MBD3: variants seen among roughly 807,000 people sequenced by gnomAD.
The protein encoded by MBD3 is methyl-CpG-binding domain protein 3.
Under a neutral mutation model 31.2 loss-of-function variants are expected in MBD3, and 13 were observed. The ratio of observed to expected loss-of-function variants is 0.42; its 90% CI spans 0.27 to 0.66. The LOEUF (loss-of-function observed/expected upper bound fraction) is 0.66, where lower values mean the gene tolerates loss of function less well. Among genes scored for constraint, MBD3 ranks in the 30% least tolerant of loss-of-function variants. MBD3 has a pLI of 0.26. For missense variants in MBD3, 440 were observed against 426.5 expected, an observed-to-expected ratio of 1.03 and a Z score of -0.28; for synonymous variants, 223 against 187.4, an observed-to-expected ratio of 1.19 and a Z score of -1.55.
chr19:1,586,638 A>T (rs2060680494), intron 1 of MBD3, among the ~76,000 whole-genome samples: 1 of 150,664 alleles, frequency 6.6e-6, no homozygotes, highest in Non-Finnish European at 1.5e-5. Flanking sequence ...TCTCCCAAGT[A>T]GCTAGGACGA....
Position 1,585,023 on chromosome 19 carries a change from G to A in MBD3, c.270+32C>T. On this transcript the variant is annotated intron_variant, in intron 2 of 6. Transcript: ENST00000434436. This position sits in a 1 kb window ranked among gnomAD's most constrained non-coding sequence, Gnocchi z 4.1. ...CGCGTCCCCGCCTAGAACGCCCCGCGCCGACGTCACCTGCGTGACGCCACC... is the reference window on the plus strand; with the variant it reads ...CGCGTCCCCGCCTAGAACGCCCCGCACCGACGTCACCTGCGTGACGCCACC... 1 of 1,607,126 alleles carries A rather than the reference G, an allele frequency of 6.2e-7. No individual in the cohort carries two copies. The highest frequency in any genetic ancestry group is 1.7e-5 in the Admixed American group (1 of 59,948).
chr19:1,577,982 C>T lies in MBD3; in HGVS notation c.*182G>A. ...AGGGTCTTTCGGGTGGGGGCAGCCC[C>T]AGCTGTGTGCCCCGAGGCCCCGGGA... On this transcript the variant is annotated 3_prime_UTR_variant, in exon 7 of 7. Transcript: ENST00000434436. The T allele has an allele frequency of 2.4e-6, 1 of 414,484 alleles. No individual in the cohort carries two copies. The highest frequency in any genetic ancestry group is 4.5e-6 in the Non-Finnish European group (1 of 222,178). The allele number at this position is 414,484 out of a possible 1,614,324, so 25.7% of individuals were successfully genotyped here. A position where few individuals can be genotyped will look rare whatever the true frequency, so the allele number is the denominator to read the frequency against.
chr19:1,579,729 C>T (rs761021300), intron 5 of MBD3, among the ~76,000 whole-genome samples: 22 of 152,090 alleles, frequency 1.4e-4, no homozygotes, highest in Non-Finnish European at 3.2e-4. Flanking sequence ...CTACCTCCTG[C>T]GGAACCCACC....
Position 1,578,618 on chromosome 19 carries a change from G to A in MBD3, c.678-80C>T. 1 of 1,601,076 alleles carries A rather than the reference G, an allele frequency of 6.2e-7. No homozygotes were observed. Among genetic ancestry groups the A allele is most frequent in the Non-Finnish European group, 8.5e-7 (1 of 1,179,770 alleles). Reference sequence around the variant, plus strand: ...ACACAGGATGAACGTGGGGACCTCAGCTGGGAGGGGAGGCCCGAGGGATCC... The same window carrying A: ...ACACAGGATGAACGTGGGGACCTCAACTGGGAGGGGAGGCCCGAGGGATCC... On this transcript the variant is annotated intron_variant, in intron 5 of 6. Coordinates refer to ENST00000434436, the MANE Select transcript of MBD3 (RefSeq NM_001281453.2). The surrounding 1 kb of genome is among the most constrained non-coding windows in gnomAD (Gnocchi z 6.1).
chr19:1,592,323 G>C (rs1379605189), intron 1 of MBD3, 199 bp downstream of exon 1: 1 of 166,720 alleles, frequency 6.0e-6, no homozygotes, highest in African/African-American at 2.4e-5. Context: ...ACGGCCGGCC[G>C]AAAGCCATGC....
chr19:1,582,155 GC>G (rs1243812603), intron 4 of MBD3, among the ~76,000 whole-genome samples: 4 of 152,130 alleles, frequency 2.6e-5, no homozygotes, highest in Non-Finnish European at 5.9e-5. Flanking sequence ...TCCTGCCCCA[GC>G]CCCGCCAAGT....
intron 5 of MBD3, among the ~76,000 whole-genome samples, chr19:1,579,743 G>A (rs553512620): frequency 7.2e-5 from 11 of 152,134 alleles, no homozygotes; most frequent in African/African-American, 1.9e-4. Flanking sequence ...ACCCACCACC[G>A]AGTTCCTCAT....
chr19:1,585,106 C>T lies in MBD3; in HGVS notation c.219G>A (p.Lys73=), dbSNP rs777419010. ...DFRTGKMLMS[K]MNKSRQRVRY... ...GCACGCGCTGGCGGCTCTTGTTCAT[C>T]TTGCTCATCAGCATCTTGCCCGTGC... The change falls in exon 2 of 7, where the codon AAG becomes AAA. Residue 73 remains lysine, a synonymous_variant. Coordinates refer to ENST00000434436, the MANE Select transcript of MBD3 (RefSeq NM_001281453.2). This position sits in a 1 kb window ranked among gnomAD's most constrained non-coding sequence, Gnocchi z 4.1. 20 of 1,612,528 alleles carry T rather than the reference C, an allele frequency of 1.2e-5. No homozygotes were observed. The highest frequency in any genetic ancestry group is 2.7e-5 in the African/African-American group (2 of 74,908).
rs1467567549 is a variant in MBD3 at position 1,592,848 on chromosome 19, G to T, written c.-217C>A. 6.8e-6 allele frequency: 1 copy of T among 146,824 alleles called. No homozygotes were observed. Among genetic ancestry groups the T allele is most frequent in the Non-Finnish European group, 1.5e-5 (1 of 65,828 alleles). The allele number at this position is 146,824 out of a possible 1,614,324, so 9.1% of individuals were successfully genotyped here. On this transcript the variant is annotated 5_prime_UTR_variant, in exon 1 of 7. Transcript: ENST00000434436. ...CGCGCTCGCCAGCCCCCGCTCGGGGGGCCCGCTCCGCCCACCCGCCCGCGC... is the reference window on the plus strand; with the variant it reads ...CGCGCTCGCCAGCCCCCGCTCGGGGTGCCCGCTCCGCCCACCCGCCCGCGC...
intron 4 of MBD3, 69 bp from the exon 5 acceptor site, chr19:1,581,338 C>G: frequency 2.7e-6 from 4 of 1,509,060 alleles, no homozygotes; most frequent in Non-Finnish European, 3.6e-6. Flanking sequence ...CCAGACAGGC[C>G]ACGGAAATGC....
At position 1,578,112 on chromosome 19, in the gene MBD3, C is replaced by T. The variant is rs113262002; in HGVS notation, c.*52G>A. On this transcript the variant is annotated 3_prime_UTR_variant, in exon 7 of 7. Coordinates refer to ENST00000434436, the MANE Select transcript of MBD3 (RefSeq NM_001281453.2). This position sits in a 1 kb window ranked among gnomAD's most constrained non-coding sequence, Gnocchi z 6.1. ...CTGGTTCACGTGGGGCCGAGGACCGCGTCTGCAGGCGGCTCCAGCAGGCAG... is the reference window on the plus strand; with the variant it reads ...CTGGTTCACGTGGGGCCGAGGACCGTGTCTGCAGGCGGCTCCAGCAGGCAG... 11 of 659,532 alleles carry T rather than the reference C, an allele frequency of 1.7e-5. No individual in the cohort carries two copies. Among genetic ancestry groups the T allele is most frequent in the African/African-American group, 1.8e-5 (1 of 54,842 alleles). 40.9% of individuals were successfully genotyped at this position (659,532 alleles called of 1,614,324 possible).
Position 1,578,081 on chromosome 19 carries a change from C to G in MBD3, c.*83G>C. ...GTGTCTCCAAGGCTGGGCTTCGCCG[C>G]CGAGCCTGGTTCACGTGGGGCCGAG... On this transcript the variant is annotated 3_prime_UTR_variant, in exon 7 of 7. Coordinates refer to ENST00000434436, the MANE Select transcript of MBD3 (RefSeq NM_001281453.2). This position sits in a 1 kb window ranked among gnomAD's most constrained non-coding sequence, Gnocchi z 6.1. 1 of 592,804 alleles carries G rather than the reference C, an allele frequency of 1.7e-6. No individual in the cohort carries two copies. Among genetic ancestry groups the G allele is most frequent in the Non-Finnish European group, 3.0e-6 (1 of 337,514 alleles). The allele number at this position is 592,804 out of a possible 1,614,324, so 36.7% of individuals were successfully genotyped here.
intron 1 of MBD3, among the ~76,000 whole-genome samples, chr19:1,591,554 C>G (rs920397045): frequency 1.3e-5 from 2 of 152,194 alleles, no homozygotes; most frequent in African/African-American, 2.4e-5. Flanking sequence ...CAGCCGCACA[C>G]CCCCCTTTAC....
At chr19:1,586,705 C>A (rs929223716) in intron 1 of MBD3, among the ~76,000 whole-genome samples, 1 of 149,714 alleles carries the variant, frequency 6.7e-6, no homozygotes, top group African/African-American at 2.5e-5. Flanking sequence ...CTCACTCTGT[C>A]GCCCAGGCTG....
intron 1 of MBD3, among the ~76,000 whole-genome samples, chr19:1,587,304 G>A (rs1192979637): frequency 1.3e-5 from 2 of 151,954 alleles, no homozygotes; most frequent in Non-Finnish European, 2.9e-5. Flanking sequence ...GTCTCACCAT[G>A]TTACCCAGGC....
In MBD3 at chr19:1,592,693, C is replaced by T. The variant is rs1381265389; in HGVS notation, c.-62G>A. ...CCGCCGCCCGGACCCCCACTCGCCG[C>T]CGCCGCCTCAGCTGCCTCCGCTGCC... is the stretch of plus-strand genomic sequence containing the variant. On this transcript the variant is annotated 5_prime_UTR_variant, in exon 1 of 7. Transcript: ENST00000434436. The T allele has an allele frequency of 2.9e-5, 17 of 591,460 alleles. No homozygotes were observed. The highest frequency in any genetic ancestry group is 3.1e-5 in the Non-Finnish European group (14 of 456,968). The allele number at this position is 591,460 out of a possible 1,614,324, so 36.6% of individuals were successfully genotyped here.
In MBD3 at chr19:1,584,437, G is replaced by T. The variant is rs538319509; in HGVS notation, c.408+103C>A. On this transcript the variant is annotated intron_variant, in intron 3 of 6. Transcript: ENST00000434436. The stretch of plus-strand genomic sequence containing the variant: ...TTGCCCAGGCTAGCCTGGAACTCCT[G>T]CGCTCACTACGTCCGCTCCACGTAC... 232 of 1,531,128 alleles carry T rather than the reference G, an allele frequency of 1.5e-4. No individual in the cohort carries two copies. In the African/African-American group the frequency reaches 2.6e-3, roughly 17 times the overall value. 94.8% of individuals were successfully genotyped at this position (1,531,128 alleles called of 1,614,324 possible). A position where few individuals can be genotyped will look rare whatever the true frequency, so the allele number is the denominator to read the frequency against.
At chr19:1,592,455 C>A in intron 1 of MBD3, 67 bp downstream of exon 1, 1 of 815,638 alleles carries the variant, frequency 1.2e-6, no homozygotes, top group Non-Finnish European at 1.7e-6. Flanking sequence ...GCAGGGGCGC[C>A]GAGGCCGCCG....
chr19:1,581,446 A>G, intron 4 of MBD3, 177 bp from the exon 5 acceptor site: 1 of 705,000 alleles, frequency 1.4e-6, no homozygotes, highest in Non-Finnish European at 2.4e-6. Flanking sequence ...TCATAACAGA[A>G]AAAAAAGCAA....
Sources: allele counts gnomAD v4.1 joint callset (sites outside exome capture counted in the v4.1 genomes callset), GRCh38; gene constraint gnomAD v4.1.1; non-coding constraint Gnocchi (gnomAD v3.1); transcripts MANE v1.5; gene names NCBI Gene and HGNC (gene_info 2026-07-23, HGNC 2026-07-21).